The following SERPINF1 variants were observed in gnomAD, a reference collection of about 807,000 sequenced individuals.
SERPINF1 encodes the protein pigment epithelium-derived factor.
In SERPINF1, 29 loss-of-function variants were observed where a neutral mutation model predicts 37.3. That is an observed-to-expected ratio of 0.78 (90% CI 0.58 to 1.06). The LOEUF is 1.06. Among genes scored for constraint, SERPINF1 ranks in the 50% least tolerant of loss-of-function variants. The pLI is 0.00. For synonymous variants in SERPINF1, 281 were observed against 227.9 expected, an observed-to-expected ratio of 1.23 and a Z score of -2.10; for missense variants, 553 against 532.2, an observed-to-expected ratio of 1.04 and a Z score of -0.38.
chr17:1,766,183 A>G (rs562347199), intron 1 of SERPINF1: 81 of 152,378 alleles, frequency 5.3e-4, no homozygotes, highest in African/African-American at 1.9e-3. Flanking sequence ...AAGCTTTAGC[A>G]TACACTTGTG....
At chr17:1,774,773 T>C (rs1200825430) in intron 5 of SERPINF1, among the ~76,000 whole-genome samples, 1 of 152,212 alleles carries the variant, frequency 6.6e-6, no homozygotes, top group East Asian at 1.9e-4. Context: ...CCACTTTACT[T>C]TTCCTGCAGG....
chr17:1,764,845 CTTTT>C (rs11483374), intron 1 of SERPINF1, among the ~76,000 whole-genome samples: 5 of 132,154 alleles, frequency 3.8e-5, no homozygotes, highest in Admixed American at 8.2e-5. Flanking sequence ...TTTTTTTTTC[CTTTT>C]TTTTTTTTTT....
intron 5 of SERPINF1, among the ~76,000 whole-genome samples, chr17:1,773,681 T>C (rs962611292): frequency 2.6e-5 from 4 of 152,214 alleles, no homozygotes; most frequent in Non-Finnish European, 5.9e-5. Context: ...CACCTTTTTA[T>C]GTTGTCTCCA....
chr17:1,767,200 A>G (rs1907439834), intron 2 of SERPINF1, among the ~76,000 whole-genome samples: 1 of 152,176 alleles, frequency 6.6e-6, no homozygotes, highest in Non-Finnish European at 1.5e-5. Context: ...CATGAATAAG[A>G]TCCCAAAAGA....
chr17:1,766,984 C>A lies in SERPINF1; in HGVS notation c.74C>A (p.Pro25His), dbSNP rs1907425165. 2 of 1,554,876 alleles carry A rather than the reference C, an allele frequency of 1.3e-6. No individual in the cohort carries two copies. Among genetic ancestry groups the A allele is most frequent in the South Asian group, 2.4e-5 (2 of 84,284 alleles). ...AGCAGCTGCCAGAACCCTGCCAGCC[C>A]CCCGGAGGAGGTCAGTAGGCAGGCG... is the stretch of plus-strand genomic sequence containing the variant. Reference protein sequence around the residue: ...GHSSCQNPASPPEEGSPDPDS... With the variant: ...GHSSCQNPASHPEEGSPDPDS... The change falls in exon 2 of 8, where the codon CCC becomes CAC. Residue 25 changes from proline (P) to histidine (H), a missense_variant. Pro to His is a moderately conservative substitution (Grantham distance 77, BLOSUM62 -2). Transcript: ENST00000254722.
chr17:1,772,213 T>G, intron 5 of SERPINF1, 138 bp downstream of exon 5: 1 of 876,536 alleles, frequency 1.1e-6, no homozygotes, highest in Non-Finnish European at 1.8e-6. Flanking sequence ...GCCTCCCAGG[T>G]TCAAGCAATT....
At chr17:1,770,141 G>A (rs991799310) in intron 3 of SERPINF1, 91 bp downstream of exon 3, 1 of 1,412,830 alleles carries the variant, frequency 7.1e-7, no homozygotes, top group Non-Finnish European at 9.8e-7. Flanking sequence ...TGACATTTCA[G>A]TTCAGCGAGG....
At chr17:1,762,732 G>C (rs1007913337) in intron 1 of SERPINF1, 2 of 152,398 alleles carry the variant, frequency 1.3e-5, no homozygotes, top group East Asian at 1.9e-4. Flanking sequence ...GTGAGTCAAG[G>C]CTGGGCGACC....
Position 1,766,900 on chromosome 17 carries a change from C to T in SERPINF1, c.-8-3C>T. 6.4e-7 allele frequency: 1 copy of T among 1,554,814 alleles called. No homozygotes were observed. Among genetic ancestry groups the T allele is most frequent in the Non-Finnish European group, 8.7e-7 (1 of 1,148,902 alleles). ...GGCTTGCTGCCTCGTTCTTTTCTTG[C>T]AGGCCCCAGGATGCAGGCCCTGGTG... On this transcript the variant is annotated splice_region_variant and splice_polypyrimidine_tract_variant and intron_variant, in intron 1 of 7. Coordinates refer to ENST00000254722, the MANE Select transcript of SERPINF1 (RefSeq NM_002615.7).
intron 2 of SERPINF1, among the ~76,000 whole-genome samples, chr17:1,768,430 C>CAAAAAAAAAAA (rs71150813): frequency 2.2e-5 from 2 of 91,796 alleles, no homozygotes; most frequent in African/African-American, 7.2e-5. Flanking sequence ...GACTCCGTCT[C>CAAAAAAAAAAA]AAAAAAAAAA....
At position 1,766,672 on chromosome 17, in the gene SERPINF1, G is replaced by A. The variant is rs930201188; in HGVS notation, c.-8-231G>A. ...AAGCACAAGCTTATGGTATGACTGT[G>A]GGCCCTGAGGCAGGGGGAGGGGCGG... On this transcript the variant is annotated intron_variant, in intron 1 of 7. Coordinates refer to ENST00000254722, the MANE Select transcript of SERPINF1 (RefSeq NM_002615.7). 19 of 555,978 alleles carry A rather than the reference G, an allele frequency of 3.4e-5. 1 individual carries two copies. Among genetic ancestry groups the A allele is most frequent in the Middle Eastern group, 4.7e-4 (1 of 2,120 alleles). 34.4% of individuals were successfully genotyped at this position (555,978 alleles called of 1,614,324 possible). A position where few individuals can be genotyped will look rare whatever the true frequency, so the allele number is the denominator to read the frequency against.
At position 1,776,728 on chromosome 17, in the gene SERPINF1, C is replaced by A; in HGVS notation, c.983C>A (p.Ser328Tyr). 1.2e-6 allele frequency: 2 copies of A among 1,613,136 alleles called. No individual in the cohort carries two copies. Among genetic ancestry groups the A allele is most frequent in the South Asian group, 1.1e-5 (1 of 90,948 alleles). ...KLSYEGEVTK[S>Y]LQEMKLQSLF... ...AGTTATGAAGGCGAAGTCACCAAGT[C>A]CCTGCAGGAGATGAGTATGTCTGAA... Residue 328 changes from serine (S) to tyrosine (Y), a missense_variant, in exon 7 of 8, where the codon TCC becomes TAC. By Grantham distance (144) the Ser-to-Tyr change is moderately radical. Transcript: ENST00000254722.
chr17:1,772,768 G>A (rs1473284182), intron 5 of SERPINF1, among the ~76,000 whole-genome samples: 6 of 144,586 alleles, frequency 4.1e-5, no homozygotes, highest in Non-Finnish European at 7.6e-5. Flanking sequence ...CCGTGGTCTC[G>A]ATCTCCTGAC....
intron 7 of SERPINF1, 71 bp from the exon 8 acceptor site, chr17:1,777,116 G>A: frequency 6.2e-7 from 1 of 1,611,664 alleles, no homozygotes; most frequent in Non-Finnish European, 8.5e-7. Flanking sequence ...CAGCTTGCTT[G>A]CAAAGGGATC....
chr17:1,772,583 G>C (rs567529309), intron 5 of SERPINF1, among the ~76,000 whole-genome samples: 1 of 149,978 alleles, frequency 6.7e-6, no homozygotes, highest in African/African-American at 2.5e-5. Context: ...TTTTGAGACA[G>C]AGTCTTGCTC....
At chr17:1,767,480 T>C (rs537319578) in intron 2 of SERPINF1, among the ~76,000 whole-genome samples, 34 of 152,278 alleles carry the variant, frequency 2.2e-4, no homozygotes, top group Middle Eastern at 6.8e-3. Context: ...TAGTGGGGGC[T>C]CCACTGAGCA....
intron 5 of SERPINF1, among the ~76,000 whole-genome samples, chr17:1,773,370 C>G (rs374736993): frequency 6.6e-6 from 1 of 152,248 alleles, no homozygotes; most frequent in East Asian, 1.9e-4. Context: ...CTCAGCCTCC[C>G]GAGTAGTTGG....
intron 2 of SERPINF1, among the ~76,000 whole-genome samples, chr17:1,767,931 C>T (rs1276847111): frequency 2.6e-5 from 4 of 152,198 alleles, no homozygotes; most frequent in East Asian, 1.9e-4. Flanking sequence ...CTGCCGGGTG[C>T]GGTGGCTCAC....
intron 3 of SERPINF1, 32 bp downstream of exon 3, chr17:1,770,082 G>T: frequency 6.2e-7 from 1 of 1,610,874 alleles, no homozygotes; most frequent in Non-Finnish European, 8.5e-7. Flanking sequence ...GCCCCAGGCA[G>T]ACCTGGAGAG....
Sources: allele counts gnomAD v4.1 joint callset (sites outside exome capture counted in the v4.1 genomes callset), GRCh38; gene constraint gnomAD v4.1.1; transcripts MANE v1.5; gene names NCBI Gene and HGNC (gene_info 2026-07-23, HGNC 2026-07-21).